The following CD2AP variants were observed in gnomAD, a reference collection of about 807,000 sequenced individuals.
The protein encoded by CD2AP is CD2-associated protein.
A neutral mutation model predicts 85.1 loss-of-function variants in CD2AP; 46 were observed. The ratio of observed to expected loss-of-function variants is 0.54; its 90% CI spans 0.43 to 0.69. The LOEUF (loss-of-function observed/expected upper bound fraction) is 0.69. Ranked by LOEUF, CD2AP falls within the 30% of genes least tolerant of loss-of-function variation. The pLI is 0.00. For missense variants in CD2AP, 769 were observed against 729.5 expected (o/e 1.05, Z -0.62); for synonymous variants, 255 against 252.9 (o/e 1.01, Z -0.08).
chr6:47,620,707 T>C (rs747751472), intron 17 of CD2AP, among the ~76,000 whole-genome samples: 1 of 152,148 alleles, frequency 6.6e-6, no homozygotes, highest in Non-Finnish European at 1.5e-5. Flanking sequence ...ATTTGTGCTG[T>C]CTGTGATTTC....
chr6:47,604,620 T>G (rs1384818638), intron 13 of CD2AP, among the ~76,000 whole-genome samples: 1 of 152,066 alleles, frequency 6.6e-6, no homozygotes, highest in Non-Finnish European at 1.5e-5. Context: ...GTAAAAGCAA[T>G]TTTCACCCTT....
intron 3 of CD2AP, among the ~76,000 whole-genome samples, chr6:47,539,154 G>A (rs1767135961): frequency 2.0e-5 from 3 of 152,176 alleles, no homozygotes; most frequent in Non-Finnish European, 4.4e-5. Flanking sequence ...AGAGATGATA[G>A]TCATAATTTT....
At chr6:47,489,094 C>T (rs758443956) in intron 1 of CD2AP, 1 of 151,014 alleles carries the variant, frequency 6.6e-6, no homozygotes, top group Non-Finnish European at 1.5e-5. Flanking sequence ...TGAGTTATCT[C>T]GATTGCTTAG....
chr6:47,515,788 AC>A lies in CD2AP; in HGVS notation c.165+12351del, dbSNP rs750486880. Among the ~76,000 whole-genome samples, 278 of 152,092 alleles carry A rather than the reference AC, an allele frequency of 1.8e-3. 6 individuals are homozygous for A. The highest frequency in any genetic ancestry group is 2.3e-3 in the East Asian group (12 of 5,182). ...GTGCTTTTGATCACTTTCAGATTTG[AC>A]CCTGGAAAAGGAAAAAAAAAATCAA... is the stretch of plus-strand genomic sequence containing the variant. On this transcript the variant is annotated intron_variant, in intron 2 of 17. Transcript: ENST00000359314.
intron 1 of CD2AP, among the ~76,000 whole-genome samples, chr6:47,485,654 C>A (rs1765551122): frequency 6.6e-6 from 1 of 152,144 alleles, no homozygotes; most frequent in African/African-American, 2.4e-5. Context: ...CCTAGGCCTT[C>A]ACATTTGCTC....
intron 17 of CD2AP, among the ~76,000 whole-genome samples, chr6:47,617,878 C>G (rs1026630295): frequency 3.9e-5 from 6 of 152,178 alleles, no homozygotes; most frequent in African/African-American, 1.4e-4. Flanking sequence ...GTGCCTCTTA[C>G]AATTGATAAG....
chr6:47,541,160 G>T (rs1448023329), intron 3 of CD2AP, among the ~76,000 whole-genome samples: 1 of 152,030 alleles, frequency 6.6e-6, no homozygotes, highest in Non-Finnish European at 1.5e-5. Context: ...GTCTTGCTCT[G>T]TTGCCCAGGC....
chr6:47,507,465 C>T (rs897905371), intron 2 of CD2AP, among the ~76,000 whole-genome samples: 38 of 147,650 alleles, frequency 2.6e-4, no homozygotes, highest in African/African-American at 9.1e-4. Context: ...GATAGCCTTA[C>T]GAAATGTGGG....
chr6:47,579,198 AT>A (rs1323141528), intron 8 of CD2AP, among the ~76,000 whole-genome samples, 186 bp from the exon 9 acceptor site: 1 of 151,960 alleles, frequency 6.6e-6, no homozygotes, highest in African/African-American at 2.4e-5. Context: ...CCAGAAGTTT[AT>A]GATTGCATTC....
At chr6:47,603,255 G>T (rs1769190495) in intron 13 of CD2AP, among the ~76,000 whole-genome samples, 1 of 152,002 alleles carries the variant, frequency 6.6e-6, no homozygotes, top group Non-Finnish European at 1.5e-5. Flanking sequence ...ATATTTTAAA[G>T]ATAGTATTGA....
intron 2 of CD2AP, among the ~76,000 whole-genome samples, chr6:47,516,576 T>C (rs1461551100): frequency 1.3e-5 from 2 of 152,216 alleles, no homozygotes; most frequent in Non-Finnish European, 2.9e-5. Context: ...GATGCTTTGT[T>C]TACTTGATTT....
chr6:47,512,362 G>A (rs372917311), intron 2 of CD2AP, among the ~76,000 whole-genome samples: 1 of 152,044 alleles, frequency 6.6e-6, no homozygotes, highest in South Asian at 2.1e-4. Context: ...AACATAAAAA[G>A]GTGCATGTTA....
chr6:47,514,538 TAAAAC>T lies in CD2AP; in HGVS notation c.165+11103_165+11107del, dbSNP rs149534363. On this transcript the variant is annotated intron_variant, in intron 2 of 17. Transcript: ENST00000359314. The stretch of plus-strand genomic sequence containing the variant: ...TGGAGTTGCTACTTTGTAATTGAGA[TAAAAC>T]AAAATAAACACATTCCAGTAAACAA... Among the ~76,000 whole-genome samples, 1,207 of 152,300 alleles carry T rather than the reference TAAAAC, an allele frequency of 7.9e-3. 14 individuals are homozygous for T. The highest frequency in any genetic ancestry group is 0.027 in the African/African-American group (1,120 of 41,558).
At chr6:47,594,332 A>G (rs1044737646) in intron 11 of CD2AP, among the ~76,000 whole-genome samples, 3 of 152,118 alleles carry the variant, frequency 2.0e-5, no homozygotes, top group Admixed American at 2.0e-4. Flanking sequence ...ATCTTATAGT[A>G]GTTATATAAT....
intron 11 of CD2AP, among the ~76,000 whole-genome samples, chr6:47,589,497 T>TATATATACACATACGTATGTACACAC (rs1768722617): frequency 1.4e-5 from 2 of 147,038 alleles, no homozygotes; most frequent in Admixed American, 1.4e-4. Flanking sequence ...TATGTGCACA[T>TATATATACACATACGTATGTACACAC]ATATATACAC....
At chr6:47,597,665 G>A (rs371356544) in intron 12 of CD2AP, among the ~76,000 whole-genome samples, 5 of 150,934 alleles carry the variant, frequency 3.3e-5, no homozygotes, top group African/African-American at 1.2e-4. Flanking sequence ...AACTAAAACT[G>A]AAATGGAAGT....
At position 47,545,266 on chromosome 6, in the gene CD2AP, G is replaced by A. The variant is rs547314158; in HGVS notation, c.420+560G>A. ...ACTGCAGGAATATGTTAGGAAAGCC[G>A]AGAGAACCCACAGACCCTCTGAAGG... is the stretch of plus-strand genomic sequence containing the variant. On this transcript the variant is annotated intron_variant, in intron 4 of 17. Transcript: ENST00000359314. The A allele has an allele frequency of 5.2e-5, 8 of 155,312 alleles. No homozygotes were observed. In the South Asian group the frequency reaches 1.6e-3, roughly 31 times the overall value. 9.6% of individuals were successfully genotyped at this position (155,312 alleles called of 1,614,324 possible). A position where few individuals can be genotyped will look rare whatever the true frequency, so the allele number is the denominator to read the frequency against.
At chr6:47,524,287 C>G (rs990757510) in intron 2 of CD2AP, among the ~76,000 whole-genome samples, 3 of 152,142 alleles carry the variant, frequency 2.0e-5, no homozygotes, top group African/African-American at 4.8e-5. Context: ...ATCTCCTGCT[C>G]TAGCTCCTTG....
At chr6:47,556,278 T>C (rs2114065391) in intron 5 of CD2AP, among the ~76,000 whole-genome samples, 1 of 149,932 alleles carries the variant, frequency 6.7e-6, no homozygotes, top group Admixed American at 6.7e-5. Context: ...CCATATGTTC[T>C]TACTGTTCAC....
Sources: allele counts gnomAD v4.1 joint callset (sites outside exome capture counted in the v4.1 genomes callset), GRCh38; gene constraint gnomAD v4.1.1; transcripts MANE v1.5; gene names NCBI Gene and HGNC (gene_info 2026-07-23, HGNC 2026-07-21).